The following PLCZ1 variants were observed in gnomAD, a reference collection of about 807,000 sequenced individuals.
PLCZ1 encodes 1-phosphatidylinositol 4,5-bisphosphate phosphodiesterase zeta-1.
A neutral mutation model predicts 76.8 loss-of-function variants in PLCZ1; 64 were observed. The observed-to-expected ratio is 0.83, with a 90% CI of 0.68 to 1.03. PLCZ1 has a LOEUF of 1.03. Ranked by LOEUF, PLCZ1 falls within the 50% of genes least tolerant of loss-of-function variation. The pLI is 0.00. For synonymous variants in PLCZ1, 248 were observed against 230.8 expected, an observed-to-expected ratio of 1.07 and a Z score of -0.68; for missense variants, 751 against 713.7, an observed-to-expected ratio of 1.05 and a Z score of -0.60.
At chr12:18,711,284 A>G (rs1287310773) in intron 6 of PLCZ1, among the ~76,000 whole-genome samples, 1 of 149,734 alleles carries the variant, frequency 6.7e-6, no homozygotes, top group Non-Finnish European at 1.5e-5. Context: ...TATCGCAAGG[A>G]CAAAAAACCA....
chr12:18,710,176 T>C (rs1255503177), intron 6 of PLCZ1, among the ~76,000 whole-genome samples: 1 of 148,356 alleles, frequency 6.7e-6, no homozygotes. Flanking sequence ...TTTTCTTATC[T>C]AGTTGCCCAT....
chr12:18,703,442 C>T (rs1956195704), intron 7 of PLCZ1, among the ~76,000 whole-genome samples: 1 of 152,158 alleles, frequency 6.6e-6, no homozygotes, highest in Non-Finnish European at 1.5e-5. Flanking sequence ...GAAACTTAGT[C>T]ATGTAATACA....
At chr12:18,656,906 G>A in the PLCZ1 span, among the ~76,000 whole-genome samples, 1 of 152,192 alleles carries the variant, frequency 6.6e-6, no homozygotes, top group Admixed American at 6.5e-5. Flanking sequence ...TGGTGTTAAA[G>A]TTACTTTGGC....
chr12:18,689,723 G>A (rs1723618802), intron 12 of PLCZ1, among the ~76,000 whole-genome samples: 1 of 152,156 alleles, frequency 6.6e-6, no homozygotes, highest in South Asian at 2.1e-4. Context: ...CAGTCCTGTA[G>A]CTTTTATAAA....
intron 6 of PLCZ1, among the ~76,000 whole-genome samples, chr12:18,710,346 G>A (rs1275599522): frequency 1.3e-5 from 2 of 151,440 alleles, no homozygotes; most frequent in Non-Finnish European, 2.9e-5. Flanking sequence ...ATATAAAGGG[G>A]GAATAGCAAG....
chr12:18,718,996 G>A (rs761963263), intron 5 of PLCZ1, among the ~76,000 whole-genome samples: 19 of 152,130 alleles, frequency 1.2e-4, no homozygotes, highest in Non-Finnish European at 2.5e-4. Context: ...CAAATGTGAA[G>A]TTGTACAATG....
chr12:18,696,322 CTATATATA>C (rs71440372), intron 10 of PLCZ1, 56 bp from the exon 11 acceptor site: 92,117 of 267,810 alleles, frequency 0.34, 22,084 homozygotes, highest in Non-Finnish European at 0.38. Flanking sequence ...TAAAAAGCCA[CTATATATA>C]TATATATATA....
At chr12:18,709,514 C>T (rs1957037805) in intron 6 of PLCZ1, among the ~76,000 whole-genome samples, 1 of 118,426 alleles carries the variant, frequency 8.4e-6, no homozygotes, top group South Asian at 3.3e-4. Context: ...TTTTATCCTT[C>T]TTTACAAATT....
At chr12:18,696,707 A>G (rs1955099594) in intron 10 of PLCZ1, among the ~76,000 whole-genome samples, 1 of 152,050 alleles carries the variant, frequency 6.6e-6, no homozygotes. Context: ...ACACAAAGCT[A>G]TACGATTCCA....
intron 9 of PLCZ1, among the ~76,000 whole-genome samples, chr12:18,700,325 C>T (rs955389223): frequency 3.3e-5 from 5 of 151,636 alleles, no homozygotes; most frequent in African/African-American, 1.2e-4. Flanking sequence ...ATTTCACAAC[C>T]TGGCATCTAT....
At chr12:18,701,898 C>G in intron 7 of PLCZ1, 122 bp from the exon 8 acceptor site, 2 of 1,339,018 alleles carry the variant, frequency 1.5e-6, no homozygotes, top group South Asian at 3.0e-5. Context: ...TGTAAGAACT[C>G]CATTTTTTCC....
chr12:18,728,561 G>A lies in PLCZ1; in HGVS notation c.136-5019C>T, dbSNP rs144971497. On this transcript the variant is annotated intron_variant, in intron 3 of 14. Transcript: ENST00000266505. Reference sequence around the variant, plus strand: ...GAGGAGAGCAGAAGGAGTGGTCACAGGACAGAAGGAGAAGGACTGATCACA... The same window carrying A: ...GAGGAGAGCAGAAGGAGTGGTCACAAGACAGAAGGAGAAGGACTGATCACA... Among the ~76,000 whole-genome samples the A allele has an allele frequency of 3.7e-3, 557 of 152,264 alleles. 2 individuals carry two copies. The highest frequency in any genetic ancestry group is 0.013 in the African/African-American group (533 of 41,564).
chr12:18,655,175 G>A, the PLCZ1 span, among the ~76,000 whole-genome samples: 6 of 152,000 alleles, frequency 3.9e-5, no homozygotes, highest in Admixed American at 2.0e-4. Context: ...GAGATCATAC[G>A]GTGAAAATAT....
At chr12:18,651,399 T>C in the PLCZ1 span, among the ~76,000 whole-genome samples, 5 of 152,212 alleles carry the variant, frequency 3.3e-5, no homozygotes, top group Non-Finnish European at 7.3e-5. Flanking sequence ...TTTTATCTTA[T>C]GCACTTATCA....
the PLCZ1 span, among the ~76,000 whole-genome samples, chr12:18,659,397 GA>G: frequency 1.3e-5 from 2 of 152,100 alleles, no homozygotes; most frequent in Non-Finnish European, 2.9e-5. Flanking sequence ...AATCACTTGG[GA>G]TTAAGCGGCT....
chr12:18,654,005 T>C, the PLCZ1 span, among the ~76,000 whole-genome samples: 1 of 152,052 alleles, frequency 6.6e-6, no homozygotes, highest in Non-Finnish European at 1.5e-5. Context: ...AAAAAGAGCC[T>C]CATTTTCTGA....
chr12:18,695,204 A>G, intron 11 of PLCZ1, 125 bp from the exon 12 acceptor site: 1 of 920,818 alleles, frequency 1.1e-6, no homozygotes, highest in Non-Finnish European at 1.7e-6. Flanking sequence ...AAGTATCATT[A>G]GCCTAATAAT....
Position 18,705,242 on chromosome 12 carries a change from T to C in PLCZ1, c.788A>G (p.Asn263Ser). ...STAQQEVMAD[N>S]LQATFGESLL... ...GGACTCTCCAAAAGTAGCCTGCAAA[T>C]TGTCTGCCATTACTTCTTGTTGGGC... Residue 263 changes from asparagine (N) to serine (S), a missense_variant, in exon 7 of 15, where the codon AAT (asparagine) becomes AGT (serine). Physicochemically the swap from Asn to Ser is conservative, Grantham distance 46. Transcript: ENST00000266505. 6.2e-7 allele frequency: 1 copy of C among 1,614,016 alleles called. No homozygotes were observed. Among genetic ancestry groups the C allele is most frequent in the Non-Finnish European group, 8.5e-7 (1 of 1,179,970 alleles).
chr12:18,683,697 G>T, intron 14 of PLCZ1: 1 of 1,148,394 alleles, frequency 8.7e-7, no homozygotes, highest in South Asian at 1.3e-5. Context: ...CCCTGGAAAG[G>T]TGACTCTGCA....
Sources: gnomAD v4.1 joint callset for allele counts (sites outside exome capture counted in the v4.1 genomes callset) on GRCh38, gnomAD v4.1.1 for gene constraint, MANE v1.5 for transcripts, NCBI Gene and HGNC (gene_info 2026-07-23, HGNC 2026-07-21) for gene names.